FAT1: variants seen among roughly 807,000 people sequenced by gnomAD.
FAT1 encodes the protein FAT atypical cadherin 1, also known as protocadherin Fat 1.
Under a neutral mutation model 329.8 loss-of-function variants are expected in FAT1, and 171 were observed. The ratio of observed to expected loss-of-function variants is 0.52; its 90% CI spans 0.46 to 0.59. The LOEUF (loss-of-function observed/expected upper bound fraction) is 0.59. Among genes scored for constraint, FAT1 ranks in the 20% least tolerant of loss-of-function variants. The pLI is 0.00. For missense variants in FAT1, 5,672 were observed against 5,774.4 expected (o/e 0.98, Z 0.57); for synonymous variants, 2,233 against 2,228.6 (o/e 1.00, Z -0.06).
Position 186,594,913 on chromosome 4 carries a change from G to A in FAT1, c.13138+776C>T, listed in dbSNP as rs1006725299. On this transcript the variant is annotated intron_variant, in intron 26 of 26. Transcript: ENST00000441802. ...ATATGTTTAATAATAAACGTATTAC[G>A]TTTATACAATAAAAATTATCATTAA... 4.6e-5 allele frequency among the ~76,000 whole-genome samples: 7 copies of A among 151,516 alleles called. No homozygotes were observed. In the South Asian group the frequency reaches 6.3e-4, roughly 14 times the overall value.
At chr4:186,643,341 A>G (rs1049635093) in intron 3 of FAT1, among the ~76,000 whole-genome samples, 3 of 152,182 alleles carry the variant, frequency 2.0e-5, no homozygotes, top group African/African-American at 7.2e-5. Context: ...AGAACACGTA[A>G]GATATTTCAG....
chr4:186,665,026 A>G (rs927589966), intron 2 of FAT1, among the ~76,000 whole-genome samples: 4 of 152,252 alleles, frequency 2.6e-5, no homozygotes, highest in African/African-American at 9.6e-5. Flanking sequence ...TGAATGAATG[A>G]TAATTATATC....
rs2126474879 is a variant in FAT1, at chr4:186,613,184, A to G, written c.9388T>C (p.Tyr3130His). The G allele has an allele frequency of 1.2e-6, 2 of 1,613,910 alleles. No individual in the cohort carries two copies. Among genetic ancestry groups the G allele is most frequent in the South Asian group, 1.1e-5 (1 of 91,078 alleles). ...DNAPEFSADP[Y>H]AITVFENTEP... The stretch of plus-strand genomic sequence containing the variant: ...GTGTTTTCAAACACGGTGATGGCAT[A>G]AGGATCGGCAGAGAATTCGGGGGCG... The change falls in exon 13 of 27, where the codon TAT (tyrosine) becomes CAT (histidine). Residue 3130 changes from tyrosine (Y) to histidine (H), a missense_variant. Tyr to His is a moderately conservative substitution (Grantham distance 83). Coordinates refer to ENST00000441802, the MANE Select transcript of FAT1 (RefSeq NM_005245.4).
intron 16 of FAT1, among the ~76,000 whole-genome samples, chr4:186,607,440 T>C (rs1739200590): frequency 8.0e-6 from 1 of 125,236 alleles, no homozygotes; most frequent in Non-Finnish European, 1.5e-5. Flanking sequence ...GATGGGTGAA[T>C]GAATGGGTAA....
In FAT1 at chr4:186,617,740, T is replaced by C. The variant is rs750922747; in HGVS notation, c.8846A>G (p.Glu2949Gly). ...ILSTTDADSE[E>G]INRQVTYFIT... is the part of the protein sequence containing the mutation. Reference sequence around the variant, plus strand: ...GAAATATGTAACTTGTCTGTTGATCTCTTCAGAATCAGCATCCGTGGTACT... The same window carrying C: ...GAAATATGTAACTTGTCTGTTGATCCCTTCAGAATCAGCATCCGTGGTACT... The change falls in exon 10 of 27, where the codon GAG (glutamate) becomes GGG (glycine). Residue 2949 changes from glutamate to glycine, a missense_variant. By Grantham distance (98) the Glu-to-Gly change is moderately conservative (BLOSUM62 -2). Transcript: ENST00000441802. 6.3e-7 allele frequency: 1 copy of C among 1,591,918 alleles called. No individual in the cohort carries two copies. Among genetic ancestry groups the C allele is most frequent in the Non-Finnish European group, 8.6e-7 (1 of 1,167,578 alleles).
chr4:186,627,343 A>G (rs1361659900), intron 9 of FAT1, among the ~76,000 whole-genome samples: 1 of 151,442 alleles, frequency 6.6e-6, no homozygotes, highest in Non-Finnish European at 1.5e-5. Flanking sequence ...ATGGCACCTG[A>G]CACATAAAAC....
chr4:186,633,634 A>C (rs1740690606), intron 7 of FAT1, 50 bp downstream of exon 7: 1 of 1,609,084 alleles, frequency 6.2e-7, no homozygotes, highest in Admixed American at 1.7e-5. Flanking sequence ...CTAAGTCAGA[A>C]CGTTATCTCC....
intron 2 of FAT1, among the ~76,000 whole-genome samples, chr4:186,677,439 A>G (rs922788740): frequency 2.0e-5 from 3 of 152,162 alleles, no homozygotes; most frequent in Non-Finnish European, 2.9e-5. Context: ...AAGGCAAAAC[A>G]TCAATTTGTA....
intron 16 of FAT1, among the ~76,000 whole-genome samples, chr4:186,608,537 C>T (rs1188264067): frequency 2.0e-5 from 3 of 152,120 alleles, no homozygotes; most frequent in African/African-American, 7.2e-5. Context: ...GAGGCCACCA[C>T]ACCCGACATT....
At chr4:186,712,902 G>GACC in intron 1 of FAT1, among the ~76,000 whole-genome samples, 1 of 151,632 alleles carries the variant, frequency 6.6e-6, no homozygotes, top group East Asian at 1.9e-4. Flanking sequence ...GCCAGAAAGA[G>GACC]ACCACGTGGC....
intron 16 of FAT1, among the ~76,000 whole-genome samples, chr4:186,607,978 T>C (rs1233288399): frequency 1.3e-5 from 2 of 152,208 alleles, no homozygotes; most frequent in African/African-American, 4.8e-5. Context: ...TGAGTAATTC[T>C]GCCTGAATAT....
rs1738087395 is a variant in FAT1 at position 186,588,826 on chromosome 4, A to T, written c.13533T>A (p.Thr4511=). ...PQTKGTGENS[T]CREPHAPYPP... ...GGTAAGGGGCATGGGGTTCTCTACA[A>T]GTACTATTCTCACCAGTGCCTTTTG... The change falls in exon 27 of 27, where the codon ACT becomes ACA. Residue 4511 remains threonine, a synonymous_variant. Transcript: ENST00000441802. The T allele has an allele frequency of 1.2e-6, 2 of 1,613,856 alleles. No individual in the cohort carries two copies. The highest frequency in any genetic ancestry group is 2.7e-5 in the African/African-American group (2 of 74,904).
chr4:186,679,118 C>T (rs577588994), intron 2 of FAT1, among the ~76,000 whole-genome samples: 23 of 152,176 alleles, frequency 1.5e-4, no homozygotes, highest in Admixed American at 9.8e-4. Context: ...CGGTGGCTCA[C>T]GCCTGTAATC....
In FAT1 at chr4:186,651,639, T is replaced by C. The variant is rs975427458; in HGVS notation, c.3580+11660A>G. Among the ~76,000 whole-genome samples the C allele has an allele frequency of 7.2e-5, 11 of 152,250 alleles. No homozygotes were observed. The South Asian group carries it at 1.9e-3, about 26-fold the overall frequency. ...CACACACCAGAGCCAACACTGAACA[T>C]GCAGAGCCGACAAGCCGACTAGTCC... is the stretch of plus-strand genomic sequence containing the variant. On this transcript the variant is annotated intron_variant, in intron 3 of 26. Transcript: ENST00000441802.
chr4:186,641,882 C>G (rs573934543), intron 3 of FAT1, among the ~76,000 whole-genome samples: 2 of 152,190 alleles, frequency 1.3e-5, no homozygotes, highest in South Asian at 4.2e-4. Context: ...TGGCACACAC[C>G]TGTAATCCCA....
chr4:186,601,199 A>C, intron 21 of FAT1, 70 bp downstream of exon 21: 1 of 1,361,310 alleles, frequency 7.3e-7, no homozygotes, highest in Non-Finnish European at 1.0e-6. Context: ...CAAATTAACA[A>C]TCTGAATATA....
chr4:186,596,680 A>C lies in FAT1; in HGVS notation c.12860T>G (p.Phe4287Cys), dbSNP rs757371939. ...GTGCCCGTGCACAGACTCGGGGTTA[A>C]AAGTGCTGAATTCGGGATGCTCTGG... ...AIPEHPEFST[F>C]NPESVHGHRK... Residue 4287 changes from phenylalanine (F) to cysteine (C), a missense_variant, in exon 25 of 27, where the codon TTT (phenylalanine) becomes TGT (cysteine). By Grantham distance (205) the Phe-to-Cys change is radical. This residue lies in a region of FAT1 where 1,706 missense variants were observed against 1,859.1 expected (regional missense o/e 0.92). Coordinates refer to ENST00000441802, the MANE Select transcript of FAT1 (RefSeq NM_005245.4). This position sits in a 1 kb window ranked among gnomAD's most constrained non-coding sequence, Gnocchi z 4.7. 2 of 1,613,100 alleles carry C rather than the reference A, an allele frequency of 1.2e-6. No homozygotes were observed. Among genetic ancestry groups the C allele is most frequent in the Non-Finnish European group, 1.7e-6 (2 of 1,179,322 alleles).
chr4:186,688,271 C>T (rs991392263), intron 2 of FAT1, among the ~76,000 whole-genome samples: 3 of 151,990 alleles, frequency 2.0e-5, no homozygotes, highest in East Asian at 1.9e-4. Flanking sequence ...GATGCACCTT[C>T]GGTGGCTTTG....
intron 2 of FAT1, among the ~76,000 whole-genome samples, chr4:186,668,238 A>G (rs1401024222): frequency 1.3e-5 from 2 of 152,186 alleles, no homozygotes; most frequent in African/African-American, 2.4e-5. Flanking sequence ...AGAAACTTCC[A>G]AAGTGGACCT....
Sources: gnomAD v4.1 joint callset for allele counts (sites outside exome capture counted in the v4.1 genomes callset) on GRCh38, gnomAD v4.1.1 for gene constraint, gnomAD v4.1.1 regional missense constraint, Gnocchi (gnomAD v3.1) non-coding constraint, MANE v1.5 for transcripts, NCBI Gene and HGNC (gene_info 2026-07-23, HGNC 2026-07-21) for gene names.